Variants in CNTNAP4 observed in about 807,000 individuals in gnomAD.
The protein encoded by CNTNAP4 is contactin associated protein family member 4, also known as contactin-associated protein-like 4.
Under a neutral mutation model 148.4 loss-of-function variants are expected in CNTNAP4, and 98 were observed. The observed-to-expected ratio is 0.66, with a 90% confidence interval of 0.56 to 0.78. The LOEUF (loss-of-function observed/expected upper bound fraction) is 0.78. Ranked by LOEUF, CNTNAP4 falls within the 30% of genes least tolerant of loss-of-function variation. The pLI is 0.00. For synonymous variants in CNTNAP4, 730 were observed against 565.1 expected (o/e 1.29, Z -4.14); for missense variants, 1,935 against 1,565.6 (o/e 1.24, Z -3.98).
rs577187978 is a variant in CNTNAP4, at chr16:76,298,773, T to G, written c.86-17640T>G. Among the ~76,000 whole-genome samples the G allele has an allele frequency of 8.5e-5, 13 of 152,234 alleles. No homozygotes were observed. In the South Asian group the frequency reaches 2.5e-3, roughly 29 times the overall value. ...CATTCTTATCAAGGGGCACATTTCC[T>G]GAGACATTCAGTCTCTTTCTTTTTA... On this transcript the variant is annotated intron_variant, in intron 1 of 23. Coordinates refer to ENST00000611870, the MANE Select transcript of CNTNAP4 (RefSeq NM_033401.5).
At chr16:76,284,430 C>G (rs1001753389) in intron 1 of CNTNAP4, among the ~76,000 whole-genome samples, 5 of 151,834 alleles carry the variant, frequency 3.3e-5, no homozygotes, top group African/African-American at 1.2e-4. Context: ...AGAAATGCCC[C>G]AAACCTCATG....
intron 9 of CNTNAP4, among the ~76,000 whole-genome samples, chr16:76,464,183 C>G (rs1490436408): frequency 2.0e-5 from 3 of 152,148 alleles, no homozygotes; most frequent in African/African-American, 7.2e-5. Context: ...CCAAGAAGCC[C>G]ACTTAGGGGT....
chr16:76,476,906 G>A (rs572935662), intron 11 of CNTNAP4, among the ~76,000 whole-genome samples: 103 of 152,086 alleles, frequency 6.8e-4, no homozygotes, highest in Middle Eastern at 6.8e-3. Context: ...TTTAATGAGG[G>A]TGATAAGGAA....
chr16:76,296,005 A>T (rs1295713758), intron 1 of CNTNAP4, among the ~76,000 whole-genome samples: 1 of 152,084 alleles, frequency 6.6e-6, no homozygotes, highest in Non-Finnish European at 1.5e-5. Context: ...AAGAAATTTT[A>T]AGTGTGTTCA....
chr16:76,389,041 C>A (rs2016739144), intron 3 of CNTNAP4, among the ~76,000 whole-genome samples: 1 of 152,044 alleles, frequency 6.6e-6, no homozygotes, highest in Non-Finnish European at 1.5e-5. Flanking sequence ...AACCTTATGT[C>A]ATTATAATAT....
At chr16:76,304,852 C>T (rs903321446) in intron 1 of CNTNAP4, among the ~76,000 whole-genome samples, 6 of 152,162 alleles carry the variant, frequency 3.9e-5, no homozygotes, top group African/African-American at 1.4e-4. Flanking sequence ...ATCTTAATCC[C>T]TAAAATCATT....
intron 3 of CNTNAP4, among the ~76,000 whole-genome samples, chr16:76,411,912 G>A (rs1436185108): frequency 6.6e-6 from 1 of 151,288 alleles, no homozygotes; most frequent in Non-Finnish European, 1.5e-5. Flanking sequence ...ATGTTACGTA[G>A]GCCAAACATA....
chr16:76,536,324 T>C (rs2084210877), intron 18 of CNTNAP4, among the ~76,000 whole-genome samples: 1 of 152,024 alleles, frequency 6.6e-6, no homozygotes. Context: ...GCCTCCCGAG[T>C]AGCTGGGCTT....
chr16:76,285,168 C>G (rs917392810), intron 1 of CNTNAP4, among the ~76,000 whole-genome samples: 6 of 151,470 alleles, frequency 4.0e-5, no homozygotes, highest in Non-Finnish European at 8.8e-5. Flanking sequence ...TGTTTTTTTT[C>G]CCCTCCTTCC....
intron 2 of CNTNAP4, among the ~76,000 whole-genome samples, chr16:76,324,120 T>C (rs929517215): frequency 6.6e-6 from 1 of 152,172 alleles, no homozygotes; most frequent in East Asian, 1.9e-4. Flanking sequence ...TAAGGCAGAT[T>C]ATCCTTCTAA....
chr16:76,532,262 A>G (rs574457449), intron 17 of CNTNAP4, among the ~76,000 whole-genome samples: 53 of 152,340 alleles, frequency 3.5e-4, no homozygotes, highest in African/African-American at 1.3e-3. Context: ...TGAAGTGCAA[A>G]GAAACTTCCT....
chr16:76,305,507 G>T (rs1490064798), intron 1 of CNTNAP4, among the ~76,000 whole-genome samples: 3 of 151,954 alleles, frequency 2.0e-5, no homozygotes, highest in Non-Finnish European at 4.4e-5. Context: ...TTTTAATAAA[G>T]AAATTATCTA....
At chr16:76,348,489 C>G (rs1389439690) in intron 2 of CNTNAP4, among the ~76,000 whole-genome samples, 1 of 151,978 alleles carries the variant, frequency 6.6e-6, no homozygotes. Context: ...CCTGGAGAGT[C>G]TCAACTTTAA....
chr16:76,471,884 G>A (rs2081390534), intron 10 of CNTNAP4, among the ~76,000 whole-genome samples: 1 of 152,114 alleles, frequency 6.6e-6, no homozygotes, highest in African/African-American at 2.4e-5. Context: ...AGCGCTCATT[G>A]GCACTTAAGT....
intron 3 of CNTNAP4, among the ~76,000 whole-genome samples, chr16:76,393,633 G>A (rs114631920): frequency 0.02 from 3,067 of 152,010 alleles, 92 homozygotes; most frequent in African/African-American, 0.068. Flanking sequence ...GCAGGCATCA[G>A]CAAGGACTTC....
At chr16:76,335,826 T>C (rs1963975029) in intron 2 of CNTNAP4, among the ~76,000 whole-genome samples, 1 of 152,184 alleles carries the variant, frequency 6.6e-6, no homozygotes, top group Admixed American at 6.5e-5. Context: ...GTAGAGGCAG[T>C]GCTGTTGGCA....
intron 15 of CNTNAP4, 56 bp downstream of exon 15, chr16:76,498,750 T>C: frequency 6.8e-7 from 1 of 1,474,366 alleles, no homozygotes; most frequent in Non-Finnish European, 9.1e-7. Flanking sequence ...TGACTTAAAG[T>C]ACCATCACTT....
Position 76,540,781 on chromosome 16 carries a change from A to G in CNTNAP4, c.3433A>G (p.Arg1145Gly), listed in dbSNP as rs1685761057. The G allele has an allele frequency of 1.3e-6, 2 of 1,563,606 alleles. No individual in the cohort carries two copies. The highest frequency in any genetic ancestry group is 2.4e-5 in the South Asian group (2 of 84,808). ...TGCAGTCAAATCTCTGGTATTGGGC[A>G]GGATTTTAGGTAAGTGAAAGAAACA... ...FSAVKSLVLG[R>G]ILEHSDVDQD... The change falls in exon 21 of 24, where the codon AGG becomes GGG. Residue 1145 changes from arginine (R) to glycine (G), a missense_variant. By Grantham distance (125) the Arg-to-Gly change is moderately radical. Transcript: ENST00000611870.
chr16:76,402,825 T>A (rs1043193638), intron 3 of CNTNAP4, among the ~76,000 whole-genome samples: 4 of 152,134 alleles, frequency 2.6e-5, no homozygotes, highest in Admixed American at 2.6e-4. Context: ...AGGAGAATGG[T>A]GTTTAATTTC....
Sources: allele counts gnomAD v4.1 joint callset (sites outside exome capture counted in the v4.1 genomes callset), GRCh38; gene constraint gnomAD v4.1.1; transcripts MANE v1.5; gene names NCBI Gene and HGNC (gene_info 2026-07-23, HGNC 2026-07-21).